The following SMG1 variants were observed in gnomAD, a reference collection of about 807,000 sequenced individuals.
SMG1 encodes the protein serine/threonine-protein kinase SMG1.
A neutral mutation model predicts 419.9 loss-of-function variants in SMG1; 22 were observed. The ratio of observed to expected loss-of-function variants is 0.05; its 90% CI spans 0.04 to 0.07. The LOEUF (loss-of-function observed/expected upper bound fraction) is 0.07, where lower values mean the gene tolerates loss of function less well. Ranked by LOEUF, SMG1 falls within the 10% of genes least tolerant of loss-of-function variation. The pLI, the probability that SMG1 is intolerant of heterozygous loss-of-function variation, is 1.00. For missense variants in SMG1, 3,185 were observed against 4,342.0 expected, an observed-to-expected ratio of 0.73 and a Z score of 7.49; for synonymous variants, 1,538 against 1,553.5, an observed-to-expected ratio of 0.99 and a Z score of 0.23.
At chr16:18,818,993 A>G (rs1245016174) in intron 56 of SMG1, among the ~76,000 whole-genome samples, 1 of 151,946 alleles carries the variant, frequency 6.6e-6, no homozygotes, top group Non-Finnish European at 1.5e-5. Flanking sequence ...ATTTTTTTGT[A>G]TTTTTAGCAG....
intron 62 of SMG1, among the ~76,000 whole-genome samples, chr16:18,810,837 G>A (rs1011148779): frequency 2.0e-5 from 3 of 152,142 alleles, no homozygotes; most frequent in African/African-American, 7.2e-5. Flanking sequence ...GTTTAGGCAT[G>A]AAGTGCTAAG....
chr16:18,839,596 A>T, intron 42 of SMG1, 102 bp downstream of exon 42: 1 of 1,454,220 alleles, frequency 6.9e-7, no homozygotes, highest in Non-Finnish European at 9.5e-7. Context: ...CCAAGTCTGG[A>T]GGGACAGAGG....
intron 45 of SMG1, among the ~76,000 whole-genome samples, chr16:18,837,740 A>T (rs912687011): frequency 6.6e-6 from 1 of 152,224 alleles, no homozygotes; most frequent in Non-Finnish European, 1.5e-5. Context: ...ATTTACAGTC[A>T]TCACTGGTAA....
chr16:18,851,071 A>T (rs2034564822), intron 33 of SMG1, among the ~76,000 whole-genome samples: 1 of 152,088 alleles, frequency 6.6e-6, no homozygotes, highest in Non-Finnish European at 1.5e-5. Flanking sequence ...TGCAAAAAAA[A>T]TAAGCACAAT....
chr16:18,908,751 G>A (rs569694560), intron 1 of SMG1, among the ~76,000 whole-genome samples: 1 of 151,096 alleles, frequency 6.6e-6, no homozygotes, highest in South Asian at 2.1e-4. Context: ...GTGGTGGCAG[G>A]CGCCTGAAGT....
chr16:18,857,262 T>A (rs2141445669), intron 29 of SMG1: 1 of 152,370 alleles, frequency 6.6e-6, no homozygotes, highest in East Asian at 1.9e-4. Flanking sequence ...CTGCACAGCA[T>A]TCTGGCAACT....
Position 18,809,250 on chromosome 16 carries a change from C to A in SMG1, c.*319G>T. The stretch of plus-strand genomic sequence containing the variant: ...CAAATCACTCTGTGCTCCGCGGCAT[C>A]CCGATTTCTTTCCGCAGCTAACCTC... On this transcript the variant is annotated 3_prime_UTR_variant, in exon 63 of 63. Transcript: ENST00000446231. 1.3e-5 allele frequency: 4 copies of A among 309,772 alleles called. No homozygotes were observed. In the South Asian group the frequency reaches 2.0e-4, roughly 15 times the overall value. 19.2% of individuals were successfully genotyped at this position (309,772 alleles called of 1,614,324 possible).
intron 31 of SMG1, among the ~76,000 whole-genome samples, chr16:18,852,970 T>A (rs1185867324): frequency 6.6e-6 from 1 of 152,204 alleles, no homozygotes; most frequent in Non-Finnish European, 1.5e-5. Context: ...CCACAAGACA[T>A]ATCCTTTATG....
intron 29 of SMG1, among the ~76,000 whole-genome samples, chr16:18,856,186 C>T (rs977681151): frequency 7.4e-5 from 11 of 147,944 alleles, no homozygotes; most frequent in African/African-American, 2.3e-4. Flanking sequence ...TTTTTGAGAC[C>T]GGGTGTCACT....
Position 18,816,394 on chromosome 16 carries a change from T to C in SMG1, c.10210A>G (p.Ile3404Val), listed in dbSNP as rs1173067233. 1.9e-6 allele frequency: 3 copies of C among 1,613,856 alleles called. No homozygotes were observed. Among genetic ancestry groups the C allele is most frequent in the African/African-American group, 1.3e-5 (1 of 74,930 alleles). Residue 3404 changes from isoleucine to valine, a missense_variant, in exon 58 of 63, where the codon ATT becomes GTT. Coordinates refer to ENST00000446231, the MANE Select transcript of SMG1 (RefSeq NM_015092.5). ...EQQIETVCET[I>V]QNLVDNIKTV... ...TTTATATTATCAACCAGATTCTGAA[T>C]TGTTTCACAGACCGTTTCTATCTGC... is the stretch of plus-strand genomic sequence containing the variant.
chr16:18,865,264 A>T (rs530433421), intron 23 of SMG1, among the ~76,000 whole-genome samples: 2 of 152,226 alleles, frequency 1.3e-5, no homozygotes, highest in Non-Finnish European at 2.9e-5. Flanking sequence ...GTCATTAATA[A>T]ATATAGAAAT....
chr16:18,844,605 AAC>A (rs1381534428), intron 39 of SMG1, among the ~76,000 whole-genome samples: 1 of 109,180 alleles, frequency 9.2e-6, no homozygotes, highest in Non-Finnish European at 2.0e-5. Context: ...TTTTGGCAAG[AAC>A]ACATAATAAA....
In SMG1 at chr16:18,864,006, C is replaced by G. The variant is rs1349117428; in HGVS notation, c.3489G>C (p.Leu1163=). The part of the protein sequence containing the change: ...GRNSASPKHS[L]NGESRKTVLS... ...TTAAAAATACTGAACGCTCACCATT[C>G]AGAGAATGTTTCGGGCTGGCACTGT... The change falls in exon 24 of 63, where the codon CTG becomes CTC. Residue 1163 remains leucine (L), a synonymous_variant. Transcript: ENST00000446231. The G allele has an allele frequency of 7.7e-6, 12 of 1,549,798 alleles. No individual in the cohort carries two copies. The African/African-American group carries it at 1.5e-4, about 19-fold the overall frequency.
chr16:18,856,329 A>ATTTTTTTTTTTTTTTTTTTTTTTTTTTT (rs11365913), intron 29 of SMG1: 2 of 84,690 alleles, frequency 2.4e-5, no homozygotes, highest in Non-Finnish European at 4.4e-5. Flanking sequence ...CACCCAGGTG[A>ATTTTTTTTTTTTTTTTTTTTTTTTTTTT]TTTTTTTTTT....
At chr16:18,904,578 C>T (rs1247057930) in intron 1 of SMG1, among the ~76,000 whole-genome samples, 1 of 151,666 alleles carries the variant, frequency 6.6e-6, no homozygotes, top group African/African-American at 2.4e-5. Context: ...GCAGAGCTTG[C>T]AGTAAGCCGA....
chr16:18,880,994 G>A (rs1486442586), intron 10 of SMG1, among the ~76,000 whole-genome samples: 1 of 150,850 alleles, frequency 6.6e-6, no homozygotes, highest in Non-Finnish European at 1.5e-5. Flanking sequence ...GCTGGGTATG[G>A]TGACACTCGC....
At chr16:18,879,265 G>A (rs1248481500) in intron 11 of SMG1, 23 of 508,710 alleles carry the variant, frequency 4.5e-5, no homozygotes, top group African/African-American at 2.3e-4. Flanking sequence ...ACAGGTGCAC[G>A]CCACTACACC....
intron 1 of SMG1, among the ~76,000 whole-genome samples, chr16:18,919,980 A>G (rs1264530345): frequency 2.0e-5 from 3 of 151,548 alleles, no homozygotes; most frequent in African/African-American, 7.3e-5. Context: ...AGTCCCAGCT[A>G]CTCGGGAGGC....
intron 42 of SMG1, among the ~76,000 whole-genome samples, chr16:18,839,022 C>T (rs937936293): frequency 4.6e-5 from 7 of 151,788 alleles, no homozygotes; most frequent in African/African-American, 1.7e-4. Flanking sequence ...TTGGTTGAAA[C>T]GGGGTTCAGT....
Sources: allele counts gnomAD v4.1 joint callset (sites outside exome capture counted in the v4.1 genomes callset), GRCh38; gene constraint gnomAD v4.1.1; transcripts MANE v1.5; gene names NCBI Gene and HGNC (gene_info 2026-07-23, HGNC 2026-07-21).